FHAD1: variants seen among roughly 807,000 people sequenced by gnomAD.
The protein encoded by FHAD1 is forkhead associated phosphopeptide binding domain 1.
Under a neutral mutation model 191.3 loss-of-function variants are expected in FHAD1, and 146 were observed. The ratio of observed to expected loss-of-function variants is 0.76; its 90% CI spans 0.67 to 0.88. The LOEUF is 0.88. Ranked by LOEUF, FHAD1 falls within the 40% of genes least tolerant of loss-of-function variation. The pLI, the probability that FHAD1 is intolerant of heterozygous loss-of-function variation, is 0.00. For synonymous variants in FHAD1, 616 were observed against 672.3 expected (o/e 0.92, Z 1.29); for missense variants, 1,635 against 1,785.8 (o/e 0.92, Z 1.52).
intron 2 of FHAD1, among the ~76,000 whole-genome samples, chr1:15,254,178 T>C (rs1471498238): frequency 6.6e-6 from 1 of 152,176 alleles, no homozygotes; most frequent in African/African-American, 2.4e-5. Context: ...TTTAAGGTAG[T>C]TTTACTTTCT....
chr1:15,363,703 A>G (rs1180037124), intron 23 of FHAD1: 2 of 455,510 alleles, frequency 4.4e-6, no homozygotes. Flanking sequence ...AAGTGACCTT[A>G]AATAAATGAT....
At chr1:15,379,699 G>A (rs1700466181) in intron 28 of FHAD1, among the ~76,000 whole-genome samples, 1 of 152,250 alleles carries the variant, frequency 6.6e-6, no homozygotes, top group South Asian at 2.1e-4. Flanking sequence ...CGCAGTGTTT[G>A]TGTCCCTGGG....
At chr1:15,370,727 T>C (rs898369402) in intron 26 of FHAD1, among the ~76,000 whole-genome samples, 2 of 152,132 alleles carry the variant, frequency 1.3e-5, no homozygotes. Context: ...GCTGTGATAC[T>C]CCCGATGATC....
intron 20 of FHAD1, 60 bp downstream of exon 20, chr1:15,353,044 A>G (rs1428901493): frequency 1.6e-6 from 2 of 1,275,052 alleles, no homozygotes; most frequent in African/African-American, 1.5e-5. Context: ...GCAGTGCTCT[A>G]GAGCCAGGCT....
chr1:15,316,295 A>G lies in FHAD1; in HGVS notation c.1171-83A>G, dbSNP rs1269354625. 3 of 1,091,906 alleles carry G rather than the reference A, an allele frequency of 2.7e-6. No homozygotes were observed. Among genetic ancestry groups the G allele is most frequent in the Non-Finnish European group, 4.1e-6 (3 of 736,774 alleles). 67.6% of individuals were successfully genotyped at this position (1,091,906 alleles called of 1,614,324 possible). On this transcript the variant is annotated intron_variant, in intron 8 of 33. Transcript: ENST00000688493. The surrounding 1 kb of genome is among the most constrained non-coding windows in gnomAD (Gnocchi z 4.3). ...GCAGGAAATGCTCTCAGGGGCTCAC[A>G]TGGGGCCTTGGAGCCCCTCCTTCCC... is the stretch of plus-strand genomic sequence containing the variant.
At chr1:15,328,533 C>A in intron 13 of FHAD1, 104 bp downstream of exon 13, 1 of 970,792 alleles carries the variant, frequency 1.0e-6, no homozygotes, top group Non-Finnish European at 1.4e-6. Flanking sequence ...GGCAGAAATG[C>A]TTGGCTTTTC....
At position 15,341,790 on chromosome 1, in the gene FHAD1, C is replaced by T. The variant is rs546776394; in HGVS notation, c.2032C>T (p.Arg678Trp). The change falls in exon 16 of 34, where the codon CGG (arginine) becomes TGG (tryptophan). Residue 678 changes from arginine to tryptophan, a missense_variant. By Grantham distance (101) the Arg-to-Trp change is moderately radical. Transcript: ENST00000688493. ...GCAGTCTTTACTGCAGGAAAAGCTG[C>T]GGGAGCATCTGGCAGAGAAGGAGAA... ...TQQSLLQEKL[R>W]EHLAEKEKLN... 658 of 1,551,620 alleles carry T rather than the reference C, an allele frequency of 4.2e-4. 10 individuals carry two copies. The South Asian group carries it at 6.9e-3, about 16-fold the overall frequency.
chr1:15,306,892 A>C (rs1325909078), intron 6 of FHAD1, among the ~76,000 whole-genome samples: 1 of 152,244 alleles, frequency 6.6e-6, no homozygotes, highest in Non-Finnish European at 1.5e-5. Flanking sequence ...GCCCCCACAC[A>C]GAGTCCCTAC....
At chr1:15,352,796 G>A (rs568292123) in intron 19 of FHAD1, 81 bp from the exon 20 acceptor site, 106 of 1,043,816 alleles carry the variant, frequency 1.0e-4, no homozygotes, top group Admixed American at 2.2e-4. Flanking sequence ...TGGCTTCCAC[G>A]GTGACTCGTC....
chr1:15,395,026 G>A (rs1284820387), intron 33 of FHAD1, among the ~76,000 whole-genome samples: 2 of 152,078 alleles, frequency 1.3e-5, no homozygotes, highest in African/African-American at 4.8e-5. Context: ...TAAAACCTAT[G>A]GGAAAGGCTG....
chr1:15,348,960 T>TTAC (rs1689876685), intron 18 of FHAD1, 82 bp from the exon 19 acceptor site: 1 of 882,576 alleles, frequency 1.1e-6, no homozygotes, highest in Non-Finnish European at 1.8e-6. Context: ...GTTACTATTA[T>TTAC]TATTATTATT....
chr1:15,316,552 C>A lies in FHAD1; in HGVS notation c.1260+85C>A. 2 of 1,130,478 alleles carry A rather than the reference C, an allele frequency of 1.8e-6. No homozygotes were observed. The highest frequency in any genetic ancestry group is 1.3e-6 in the Non-Finnish European group (1 of 773,130). The allele number at this position is 1,130,478 out of a possible 1,614,324, so 70.0% of individuals were successfully genotyped here. ...TTCTTGGTGGGATCCTGGGCCATCA[C>A]TAAGCATGAAGCTCTGGGGCTCTGT... On this transcript the variant is annotated intron_variant, in intron 9 of 33. Coordinates refer to ENST00000688493, the MANE Select transcript of FHAD1 (RefSeq NM_001391957.1). This position sits in a 1 kb window ranked among gnomAD's most constrained non-coding sequence, Gnocchi z 4.3.
At chr1:15,324,832 C>T in intron 11 of FHAD1, 1 of 482,368 alleles carries the variant, frequency 2.1e-6, no homozygotes, top group African/African-American at 1.9e-5. Context: ...TGCCTGCCCC[C>T]AGTTAACCGA....
intron 5 of FHAD1, among the ~76,000 whole-genome samples, chr1:15,297,974 G>A (rs912933193): frequency 1.3e-5 from 2 of 152,060 alleles, no homozygotes; most frequent in African/African-American, 4.8e-5. Context: ...GCATGGAGAT[G>A]CCTTAAAGAA....
rs1402276352 is a variant in FHAD1 at position 15,276,915 on chromosome 1, G to A, written c.300+4386G>A. Among the ~76,000 whole-genome samples, 1 of 146,846 alleles carries A rather than the reference G, an allele frequency of 6.8e-6. No homozygotes were observed. Among genetic ancestry groups the A allele is most frequent in the African/African-American group, 2.4e-5 (1 of 41,050 alleles). On this transcript the variant is annotated intron_variant, in intron 3 of 33. Coordinates refer to ENST00000688493, the MANE Select transcript of FHAD1 (RefSeq NM_001391957.1). This position sits in a 1 kb window ranked among gnomAD's most constrained non-coding sequence, Gnocchi z 4.7. ...AGGCATAACCTACAGGGCCATTTGC[G>A]ATGCCCTGAAGCAACTGTTGAGTAG...
chr1:15,283,942 A>G (rs1340041413), intron 3 of FHAD1, among the ~76,000 whole-genome samples: 1 of 152,192 alleles, frequency 6.6e-6, no homozygotes, highest in Non-Finnish European at 1.5e-5. Context: ...CATGACTTCA[A>G]ATGACCTGGA....
At chr1:15,355,102 G>C (rs1400041970) in intron 20 of FHAD1, among the ~76,000 whole-genome samples, 3 of 152,076 alleles carry the variant, frequency 2.0e-5, no homozygotes, top group Non-Finnish European at 4.4e-5. Flanking sequence ...CCAGCTACTT[G>C]GGAGGCTGAG....
chr1:15,261,950 A>T (rs2101004354), intron 2 of FHAD1, among the ~76,000 whole-genome samples: 1 of 152,224 alleles, frequency 6.6e-6, no homozygotes, highest in African/African-American at 2.4e-5. Context: ...TTATGCTTTG[A>T]TGGTGCCTGG....
At chr1:15,297,699 C>T (rs1667393342) in intron 5 of FHAD1, among the ~76,000 whole-genome samples, 1 of 152,198 alleles carries the variant, frequency 6.6e-6, no homozygotes, top group African/African-American at 2.4e-5. Context: ...CTGCCTCACT[C>T]ATGCAACTGC....
Sources: allele counts gnomAD v4.1 joint callset (sites outside exome capture counted in the v4.1 genomes callset), GRCh38; gene constraint gnomAD v4.1.1; non-coding constraint Gnocchi (gnomAD v3.1); transcripts MANE v1.5; gene names NCBI Gene and HGNC (gene_info 2026-07-23, HGNC 2026-07-21).